KCNAB1: variants seen among roughly 807,000 people sequenced by gnomAD.
KCNAB1 encodes potassium voltage-gated channel subfamily A regulatory beta subunit 1, also known as voltage-gated potassium channel subunit beta-1.
Under a neutral mutation model 64.6 loss-of-function variants are expected in KCNAB1, and 35 were observed. The observed-to-expected ratio is 0.54, with a 90% CI of 0.41 to 0.72. The LOEUF (loss-of-function observed/expected upper bound fraction) is 0.72. Ranked by LOEUF, KCNAB1 falls within the 30% of genes least tolerant of loss-of-function variation. KCNAB1 has a pLI of 0.00. For synonymous variants in KCNAB1, 177 were observed against 183.8 expected, an observed-to-expected ratio of 0.96 and a Z score of 0.30; for missense variants, 401 against 512.9, an observed-to-expected ratio of 0.78 and a Z score of 2.11.
intron 2 of KCNAB1, among the ~76,000 whole-genome samples, chr3:156,429,740 C>T (rs1422002554): frequency 6.6e-6 from 1 of 152,158 alleles, no homozygotes; most frequent in Non-Finnish European, 1.5e-5. Context: ...ATTATAACAA[C>T]ATAAGAGCAG....
chr3:156,531,429 G>T lies in KCNAB1; in HGVS notation c.1102G>T (p.Gly368Cys). 6.2e-7 allele frequency: 1 copy of T among 1,613,948 alleles called. No individual in the cohort carries two copies. Among genetic ancestry groups the T allele is most frequent in the Non-Finnish European group, 8.5e-7 (1 of 1,179,796 alleles). The change falls in exon 13 of 14, where the codon GGT becomes TGT. Residue 368 changes from glycine (G) to cysteine (C), a missense_variant. Transcript: ENST00000490337. ...LAVAWCLRNE[G>C]VSSVLLGSST... is the part of the protein sequence containing the mutation. ...CCCAGCGTGGTGCCTGAGAAATGAAGGTGTGAGTTCTGTGCTCCTGGGATC... is the reference window on the plus strand; with the variant it reads ...CCCAGCGTGGTGCCTGAGAAATGAATGTGTGAGTTCTGTGCTCCTGGGATC...
chr3:156,530,409 TCTA>T (rs1718622222), intron 12 of KCNAB1, among the ~76,000 whole-genome samples: 1 of 152,112 alleles, frequency 6.6e-6, no homozygotes, highest in Non-Finnish European at 1.5e-5. Context: ...GACAAGGTCA[TCTA>T]CTAAGAGTGA....
At chr3:156,533,355 T>C (rs572265252) in intron 13 of KCNAB1, among the ~76,000 whole-genome samples, 2 of 152,230 alleles carry the variant, frequency 1.3e-5, no homozygotes, top group Admixed American at 1.3e-4. Context: ...TCCAGGAAAG[T>C]GCATTCCAGG....
chr3:156,495,900 G>A (rs1400206504), intron 8 of KCNAB1, among the ~76,000 whole-genome samples: 2 of 152,128 alleles, frequency 1.3e-5, no homozygotes, highest in Non-Finnish European at 2.9e-5. Context: ...TAACACAAAA[G>A]TTCAGACCAT....
chr3:156,471,766 A>T (rs1713919129), intron 7 of KCNAB1, among the ~76,000 whole-genome samples: 1 of 152,232 alleles, frequency 6.6e-6, no homozygotes, highest in Admixed American at 6.5e-5. Context: ...TCTTAAGGAG[A>T]TACTCATGAA....
intron 1 of KCNAB1, among the ~76,000 whole-genome samples, chr3:156,193,047 T>C (rs1713662084): frequency 6.6e-6 from 1 of 152,154 alleles, no homozygotes; most frequent in East Asian, 1.9e-4. Flanking sequence ...ATTCTTGTAT[T>C]TGTTTTCTAC....
At chr3:156,377,586 T>A (rs1711776516) in intron 1 of KCNAB1, among the ~76,000 whole-genome samples, 1 of 152,124 alleles carries the variant, frequency 6.6e-6, no homozygotes, top group Non-Finnish European at 1.5e-5. Flanking sequence ...CTTAACGAGC[T>A]CTGCAGTCAC....
chr3:156,464,352 G>T (rs1270402597), intron 6 of KCNAB1, among the ~76,000 whole-genome samples: 4 of 152,130 alleles, frequency 2.6e-5, no homozygotes, highest in Admixed American at 2.6e-4. Flanking sequence ...ATTTGAACTG[G>T]TACTTACATT....
intron 1 of KCNAB1, among the ~76,000 whole-genome samples, chr3:156,308,259 G>T (rs149022793): frequency 2.6e-5 from 4 of 152,332 alleles, no homozygotes; most frequent in Non-Finnish European, 2.9e-5. Flanking sequence ...ACAATCAGGA[G>T]AACATTAAGG....
At chr3:156,168,751 T>C (rs1050667555) in intron 1 of KCNAB1, among the ~76,000 whole-genome samples, 2 of 152,214 alleles carry the variant, frequency 1.3e-5, no homozygotes, top group African/African-American at 4.8e-5. Flanking sequence ...TGTTTTCTTT[T>C]TAGGACAGCA....
At chr3:156,232,208 C>A (rs951980866) in intron 1 of KCNAB1, among the ~76,000 whole-genome samples, 4 of 152,168 alleles carry the variant, frequency 2.6e-5, no homozygotes, top group Admixed American at 2.6e-4. Flanking sequence ...TGCCTCCTAA[C>A]CCCTCCCTTC....
At chr3:156,159,712 A>C (rs1715962721) in intron 1 of KCNAB1, among the ~76,000 whole-genome samples, 1 of 152,204 alleles carries the variant, frequency 6.6e-6, no homozygotes, top group African/African-American at 2.4e-5. Context: ...TTTACAAGTA[A>C]GTTTTCTGAG....
intron 1 of KCNAB1, among the ~76,000 whole-genome samples, chr3:156,351,156 G>A (rs576222062): frequency 7.0e-4 from 106 of 152,368 alleles, no homozygotes; most frequent in African/African-American, 2.5e-3. Context: ...AGTAATCTCA[G>A]AGCAAACACA....
At chr3:156,169,012 A>C (rs1345997372) in intron 1 of KCNAB1, among the ~76,000 whole-genome samples, 2 of 88,962 alleles carry the variant, frequency 2.2e-5, no homozygotes, top group Admixed American at 1.6e-4. Flanking sequence ...ATTTTCTATG[A>C]ACACTGATGC....
intron 1 of KCNAB1, among the ~76,000 whole-genome samples, chr3:156,225,938 A>G (rs1716131453): frequency 6.6e-6 from 1 of 152,224 alleles, no homozygotes; most frequent in South Asian, 2.1e-4. Context: ...ATGACATACA[A>G]ATGGAAACAC....
At chr3:156,206,288 C>T (rs1282008966) in intron 1 of KCNAB1, among the ~76,000 whole-genome samples, 1 of 152,214 alleles carries the variant, frequency 6.6e-6, no homozygotes, top group Non-Finnish European at 1.5e-5. Flanking sequence ...GAATATTTCA[C>T]TTTCCTGGCT....
chr3:156,250,533 C>T (rs921094575), intron 1 of KCNAB1, among the ~76,000 whole-genome samples: 2 of 152,176 alleles, frequency 1.3e-5, no homozygotes, highest in Admixed American at 6.5e-5. Flanking sequence ...AATGTGATGT[C>T]CCCAAATGTA....
chr3:156,330,942 C>A (rs1275665914), intron 1 of KCNAB1, among the ~76,000 whole-genome samples: 1 of 152,104 alleles, frequency 6.6e-6, no homozygotes, highest in Non-Finnish European at 1.5e-5. Context: ...CCCCTTATAT[C>A]TATTAAAACT....
intron 1 of KCNAB1, chr3:156,176,143 C>T (rs764115471): frequency 1.4e-5 from 11 of 770,054 alleles, no homozygotes; most frequent in Non-Finnish European, 2.2e-5. Flanking sequence ...ATCCCAGACA[C>T]GAACTGTATT....
Sources: gnomAD v4.1 joint callset for allele counts (sites outside exome capture counted in the v4.1 genomes callset) on GRCh38, gnomAD v4.1.1 for gene constraint, MANE v1.5 for transcripts, NCBI Gene and HGNC (gene_info 2026-07-23, HGNC 2026-07-21) for gene names.